Variants in NPY1R observed in about 807,000 individuals in gnomAD.
The protein encoded by NPY1R is neuropeptide Y receptor Y1.
A neutral mutation model predicts 24.1 loss-of-function variants in NPY1R; 10 were observed. The observed-to-expected ratio is 0.42, with a 90% CI of 0.26 to 0.71. NPY1R has a LOEUF of 0.71. NPY1R is among the 30% of genes least tolerant of loss of function. NPY1R has a pLI of 0.28. For missense variants in NPY1R, 350 were observed against 458.0 expected, an observed-to-expected ratio of 0.76 and a Z score of 2.15; for synonymous variants, 168 against 165.9, an observed-to-expected ratio of 1.01 and a Z score of -0.10.
rs527874619 is a variant in NPY1R, at chr4:163,326,772, C to T, written c.-151-67G>A. The T allele has an allele frequency of 7.7e-5, 33 of 427,060 alleles. No homozygotes were observed. In the Admixed American group the frequency reaches 9.1e-4, roughly 12 times the overall value. 26.5% of individuals were successfully genotyped at this position (427,060 alleles called of 1,614,324 possible). A position where few individuals can be genotyped will look rare whatever the true frequency, so the allele number is the denominator to read the frequency against. On this transcript the variant is annotated intron_variant, in intron 1 of 2. Coordinates refer to ENST00000296533, the MANE Select transcript of NPY1R (RefSeq NM_000909.6). ...AGGGCAGTCAAAATGACTTCTGACT[C>T]ACAGAACTCTTTAAAGTGAAAACAC...
intron 1 of NPY1R, among the ~76,000 whole-genome samples, chr4:163,330,199 C>T (rs1175722618): frequency 1.3e-5 from 2 of 152,284 alleles, no homozygotes; most frequent in East Asian, 1.9e-4. Context: ...TTCACACAGA[C>T]ATTAAATTAT....
At chr4:163,341,643 T>C (rs928675263) in intron 1 of NPY1R, among the ~76,000 whole-genome samples, 8 of 152,176 alleles carry the variant, frequency 5.3e-5, no homozygotes, top group African/African-American at 1.7e-4. Context: ...TAACTGATAA[T>C]GAACTGTAAT....
At position 163,326,591 on chromosome 4, in the gene NPY1R, A is replaced by C. The variant is rs5577; in HGVS notation, c.-37T>G. On this transcript the variant is annotated 5_prime_UTR_variant, in exon 2 of 3. The change creates a new upstream start codon in the 5' untranslated region. Transcript: ENST00000296533. ...TGGTTGTTATAGATTATTTTAGACA[A>C]ATGGACAGTATGTTTCTTCAAAGCA... 0.023 allele frequency: 29,540 copies of C among 1,292,972 alleles called. 589 individuals are homozygous for C. The highest frequency in any genetic ancestry group is 0.067 in the Admixed American group (3,383 of 50,664). 80.1% of individuals were successfully genotyped at this position (1,292,972 alleles called of 1,614,324 possible).
upstream of NPY1R, among the ~76,000 whole-genome samples, chr4:163,333,886 T>C (rs1022892587): frequency 3.3e-5 from 5 of 152,226 alleles, no homozygotes; most frequent in African/African-American, 1.2e-4. Flanking sequence ...TAAAATGTCA[T>C]GATTATGTAA....
chr4:163,340,582 G>T (rs766312453), intron 1 of NPY1R, among the ~76,000 whole-genome samples: 17 of 152,010 alleles, frequency 1.1e-4, no homozygotes, highest in Non-Finnish European at 2.2e-4. Context: ...ACATATGTTT[G>T]TAATGCATGC....
chr4:163,331,859 G>A (rs1734735698), intron 1 of NPY1R, among the ~76,000 whole-genome samples: 1 of 152,244 alleles, frequency 6.6e-6, no homozygotes, highest in African/African-American at 2.4e-5. Flanking sequence ...CGAAGCGCCC[G>A]GTACTGCGGA....
intron 1 of NPY1R, among the ~76,000 whole-genome samples, chr4:163,338,466 G>C (rs180985976): frequency 6.6e-6 from 1 of 152,094 alleles, no homozygotes; most frequent in East Asian, 1.9e-4. Flanking sequence ...TCCCCCGTTT[G>C]TTGCTGAGTG....
intron 1 of NPY1R, among the ~76,000 whole-genome samples, chr4:163,329,065 T>C (rs1185946314): frequency 6.6e-6 from 1 of 152,210 alleles, no homozygotes; most frequent in Non-Finnish European, 1.5e-5. Context: ...ACAGCCGTAC[T>C]CCTAGGTCAT....
rs527814831 is a variant in NPY1R at position 163,328,752 on chromosome 4, C to T, written c.-151-2047G>A. ...AAATATAGCTCTGCGTCTCCACCTC[C>T]GCCATTCCTCTTGCTGGGTGTTCTC... On this transcript the variant is annotated intron_variant, in intron 1 of 2. Transcript: ENST00000296533. Among the ~76,000 whole-genome samples the T allele has an allele frequency of 1.3e-4, 20 of 152,336 alleles. No individual in the cohort carries two copies. In the South Asian group the frequency reaches 2.5e-3, roughly 19 times the overall value.
At position 163,325,032 on chromosome 4, in the gene NPY1R, A is replaced by G. The variant is rs1193643447; in HGVS notation, c.*271T>C. 5.2e-6 allele frequency: 2 copies of G among 384,488 alleles called. No homozygotes were observed. Among genetic ancestry groups the G allele is most frequent in the Non-Finnish European group, 9.4e-6 (2 of 213,746 alleles). The allele number at this position is 384,488 out of a possible 1,614,324, so 23.8% of individuals were successfully genotyped here. ...ATTTCATTCCAATAAGTACAGTATAAAAGTCTTTATATTATATGCATAAAT... is the reference window on the plus strand; with the variant it reads ...ATTTCATTCCAATAAGTACAGTATAGAAGTCTTTATATTATATGCATAAAT... On this transcript the variant is annotated 3_prime_UTR_variant, in exon 3 of 3. Transcript: ENST00000296533.
upstream of NPY1R, among the ~76,000 whole-genome samples, chr4:163,336,175 C>A (rs1213204755): frequency 6.6e-6 from 1 of 152,128 alleles, no homozygotes; most frequent in African/African-American, 2.4e-5. Context: ...ACATGGGCTG[C>A]ATATTTCGGG....
intron 1 of NPY1R, among the ~76,000 whole-genome samples, chr4:163,338,058 C>T: frequency 6.6e-6 from 1 of 152,214 alleles, no homozygotes; most frequent in East Asian, 1.9e-4. Flanking sequence ...CAACTCCACA[C>T]TTCAGGCTTT....
chr4:163,344,156 G>A (rs975115609), intron 1 of NPY1R: 1 of 152,614 alleles, frequency 6.6e-6, no homozygotes, highest in Non-Finnish European at 1.5e-5. Flanking sequence ...GGTCCCAAGA[G>A]AGCGGGGTGG....
chr4:163,337,239 T>G (rs1734861778), upstream of NPY1R, among the ~76,000 whole-genome samples: 1 of 152,218 alleles, frequency 6.6e-6, no homozygotes, highest in African/African-American at 2.4e-5. Context: ...TCCGCTAGCA[T>G]AGCATGTAGG....
chr4:163,343,160 G>A (rs1198350080), intron 1 of NPY1R, among the ~76,000 whole-genome samples: 1 of 150,554 alleles, frequency 6.6e-6, no homozygotes, highest in Admixed American at 6.6e-5. Context: ...TCTTTTGTGT[G>A]GGCTTTTTTC....
At chr4:163,341,900 C>T (rs969595734) in intron 1 of NPY1R, among the ~76,000 whole-genome samples, 21 of 152,186 alleles carry the variant, frequency 1.4e-4, no homozygotes, top group African/African-American at 4.3e-4. Flanking sequence ...TAAAAACACA[C>T]TTATCTTCAT....
upstream of NPY1R, among the ~76,000 whole-genome samples, chr4:163,334,240 T>A (rs1206429549): frequency 6.6e-6 from 1 of 152,248 alleles, no homozygotes; most frequent in Admixed American, 6.5e-5. Context: ...TGAAGTAATT[T>A]AATTCTCTAC....
chr4:163,343,463 T>C (rs888003028), intron 1 of NPY1R, among the ~76,000 whole-genome samples: 1 of 151,986 alleles, frequency 6.6e-6, no homozygotes. Flanking sequence ...TTGTCTTTTT[T>C]CTTTCTTTCT....
At chr4:163,328,012 C>A (rs1734646208) in intron 1 of NPY1R, among the ~76,000 whole-genome samples, 2 of 151,410 alleles carry the variant, frequency 1.3e-5, no homozygotes, top group African/African-American at 4.8e-5. Flanking sequence ...ACTTAATGAA[C>A]AAGAAATGCA....
Sources: gnomAD v4.1 joint callset for allele counts (sites outside exome capture counted in the v4.1 genomes callset) on GRCh38, gnomAD v4.1.1 for gene constraint, MANE v1.5 for transcripts, NCBI Gene and HGNC (gene_info 2026-07-23, HGNC 2026-07-21) for gene names.